ZNF717: variants seen among roughly 807,000 people sequenced by gnomAD.
ZNF717 encodes the protein krueppel-like factor X17.
In ZNF717, 9 loss-of-function variants were observed where a neutral mutation model predicts 13.8. The ratio of observed to expected loss-of-function variants is 0.65; its 90% CI spans 0.39 to 1.14. The LOEUF (loss-of-function observed/expected upper bound fraction) is 1.14, where lower values mean the gene tolerates loss of function less well. Among genes scored for constraint, ZNF717 ranks in the 50% most tolerant of loss-of-function variants. The pLI, the probability that ZNF717 is intolerant of heterozygous loss-of-function variation, is 0.01. For missense variants in ZNF717, 1,040 were observed against 1,080.7 expected (o/e 0.96, Z 0.53); for synonymous variants, 327 against 364.1 (o/e 0.90, Z 1.16).
At chr3:75,777,777 G>C (rs1325112347) in intron 2 of ZNF717, among the ~76,000 whole-genome samples, 1 of 151,068 alleles carries the variant, frequency 6.6e-6, no homozygotes, top group Non-Finnish European at 1.5e-5. Flanking sequence ...CCAAAACAAT[G>C]GGAGTGACAT....
intron 5 of ZNF717, chr3:75,730,752 GA>G: frequency 1.7e-6 from 1 of 595,638 alleles, no homozygotes; most frequent in South Asian, 2.2e-5. Flanking sequence ...TTTACAAACA[GA>G]AATAGACTGT....
intron 2 of ZNF717, among the ~76,000 whole-genome samples, chr3:75,747,651 G>T (rs781434164): frequency 6.6e-5 from 10 of 152,044 alleles, no homozygotes; most frequent in Middle Eastern, 3.2e-3. Context: ...TCATGATTTG[G>T]CTCTCTGTTT....
At chr3:75,732,520 T>C (rs1938657165), downstream of ZNF717, among the ~76,000 whole-genome samples, 1 of 152,228 alleles carries the variant, frequency 6.6e-6, no homozygotes, top group African/African-American at 2.4e-5. Flanking sequence ...AAAGCCAACC[T>C]GATTGGGATT....
At chr3:75,719,565 ATT>A (rs1408254150) in intron 4 of ZNF717, among the ~76,000 whole-genome samples, 126 of 152,286 alleles carry the variant, frequency 8.3e-4, no homozygotes, top group African/African-American at 2.7e-3. Flanking sequence ...TTTGTTCTTG[ATT>A]AACAGTGAGA....
downstream of ZNF717, among the ~76,000 whole-genome samples, chr3:75,708,985 T>C (rs1429984784): frequency 2.3e-5 from 3 of 128,292 alleles, no homozygotes; most frequent in African/African-American, 9.3e-5. Flanking sequence ...GCCACATCTT[T>C]TCTTTTTTTT....
At chr3:75,743,164 C>T (rs1424325519) in intron 2 of ZNF717, among the ~76,000 whole-genome samples, 1 of 152,166 alleles carries the variant, frequency 6.6e-6, no homozygotes, top group Non-Finnish European at 1.5e-5. Flanking sequence ...ATGCATTTCT[C>T]AGAAAGTAAT....
chr3:75,778,550 G>C (rs1944522677), intron 2 of ZNF717, among the ~76,000 whole-genome samples: 2 of 151,616 alleles, frequency 1.3e-5, no homozygotes, highest in African/African-American at 4.8e-5. Context: ...AAAACAGTGG[G>C]AGTGACATGC....
downstream of ZNF717, among the ~76,000 whole-genome samples, chr3:75,707,231 C>T (rs1187205617): frequency 2.0e-3 from 307 of 152,274 alleles, no homozygotes; most frequent in African/African-American, 7.1e-3. Flanking sequence ...AGGCAAGAAG[C>T]ATGAGGGGAA....
downstream of ZNF717, among the ~76,000 whole-genome samples, chr3:75,729,679 G>A (rs1319344702): frequency 6.9e-6 from 1 of 145,110 alleles, no homozygotes; most frequent in Non-Finnish European, 1.5e-5. Context: ...AATTTTAACA[G>A]AAACACTTTA....
chr3:75,747,291 C>T (rs1313694284), intron 2 of ZNF717, among the ~76,000 whole-genome samples: 3 of 152,214 alleles, frequency 2.0e-5, no homozygotes, highest in African/African-American at 7.2e-5. Flanking sequence ...AGTCTGGTAG[C>T]GTGATGCCTC....
rs1939841269 is a variant in ZNF717, at chr3:75,738,541, T to A, written c.1082A>T (p.His361Leu). 6.5e-7 allele frequency: 1 copy of A among 1,542,046 alleles called. No individual in the cohort carries two copies. The highest frequency in any genetic ancestry group is 2.0e-5 in the Admixed American group (1 of 50,058). The change falls in exon 5 of 5, where the codon CAC (histidine) becomes CTC (leucine). Residue 361 changes from histidine (H) to leucine (L), a missense_variant. Transcript: ENST00000652011. Reference sequence around the variant, plus strand: ...ACATTTGTAGGGTTTATCCCCTGTGTGAGTTCTCTCATGTAAAGTGAGGAA... The same window carrying A: ...ACATTTGTAGGGTTTATCCCCTGTGAGAGTTCTCTCATGTAAAGTGAGGAA... Reference protein sequence around the residue: ...KSFLTLHERTHTGDKPYKCIE... With the variant: ...KSFLTLHERTLTGDKPYKCIE...
At chr3:75,725,835 A>G (rs1298524262), downstream of ZNF717, among the ~76,000 whole-genome samples, 1 of 152,232 alleles carries the variant, frequency 6.6e-6, no homozygotes, top group East Asian at 1.9e-4. Context: ...GAATTATGGG[A>G]ACAACAATTC....
At chr3:75,774,908 T>G (rs1218578330) in intron 2 of ZNF717, among the ~76,000 whole-genome samples, 1 of 151,502 alleles carries the variant, frequency 6.6e-6, no homozygotes, top group Non-Finnish European at 1.5e-5. Context: ...CGTGAGCCAC[T>G]GCACCTGGCC....
chr3:75,745,815 C>A (rs1260806950), intron 2 of ZNF717, among the ~76,000 whole-genome samples: 1 of 151,310 alleles, frequency 6.6e-6, no homozygotes, highest in East Asian at 1.9e-4. Context: ...TTTTTACTGC[C>A]AAATAATATA....
At chr3:75,767,309 T>C (rs998814363) in intron 2 of ZNF717, among the ~76,000 whole-genome samples, 8 of 134,850 alleles carry the variant, frequency 5.9e-5, no homozygotes, top group African/African-American at 2.1e-4. Flanking sequence ...CCAGCTCGGC[T>C]GCTGCCCTGC....
intron 5 of ZNF717, among the ~76,000 whole-genome samples, chr3:75,715,753 A>G (rs543344196): frequency 1.2e-3 from 187 of 152,288 alleles, no homozygotes; most frequent in African/African-American, 4.0e-3. Flanking sequence ...TGGGCAGAAG[A>G]AGGACAGAGA....
chr3:75,700,043 G>T (rs1297090457), intron 6 of ZNF717, among the ~76,000 whole-genome samples: 2 of 152,280 alleles, frequency 1.3e-5, no homozygotes, highest in African/African-American at 4.8e-5. Flanking sequence ...GGAAGAATCA[G>T]TATTTTTTAA....
intron 2 of ZNF717, among the ~76,000 whole-genome samples, chr3:75,778,744 G>A (rs572128238): frequency 4.0e-5 from 6 of 150,350 alleles, no homozygotes; most frequent in Admixed American, 3.3e-4. Flanking sequence ...TGCAAAACCC[G>A]TAAACCAAAA....
At chr3:75,781,965 C>T (rs1944857556) in intron 2 of ZNF717, among the ~76,000 whole-genome samples, 1 of 152,120 alleles carries the variant, frequency 6.6e-6, no homozygotes, top group Non-Finnish European at 1.5e-5. Context: ...AATCCCCCCT[C>T]CCCTCTCTAA....
Sources: allele counts gnomAD v4.1 joint callset (sites outside exome capture counted in the v4.1 genomes callset), GRCh38; gene constraint gnomAD v4.1.1; transcripts MANE v1.5; gene names NCBI Gene and HGNC (gene_info 2026-07-23, HGNC 2026-07-21).